ESRRB: variants seen among roughly 807,000 people sequenced by gnomAD.
ESRRB encodes steroid hormone receptor ERR2.
In ESRRB, 16 loss-of-function variants were observed where a neutral mutation model predicts 46.0. The ratio of observed to expected loss-of-function variants is 0.35; its 90% CI spans 0.24 to 0.53. The LOEUF (loss-of-function observed/expected upper bound fraction) is 0.53, where lower values mean the gene tolerates loss of function less well. Among genes scored for constraint, ESRRB ranks in the 20% least tolerant of loss-of-function variants. The pLI is 0.93. For missense variants in ESRRB, 488 were observed against 607.4 expected (o/e 0.80, Z 2.07); for synonymous variants, 246 against 259.6 (o/e 0.95, Z 0.50).
chr14:76,389,452 T>A (rs1365957272), intron 1 of ESRRB, among the ~76,000 whole-genome samples: 1 of 152,188 alleles, frequency 6.6e-6, no homozygotes, highest in Non-Finnish European at 1.5e-5. Flanking sequence ...CTGAGGGGAT[T>A]GGAAGTAGTT....
chr14:76,310,803 C>T, exon 1 of ESRRB: 11 of 449,992 alleles, frequency 2.4e-5, no homozygotes, highest in South Asian at 1.6e-4. Context: ...AGACAGGGGA[C>T]TGTCAGCTGG....
At chr14:76,448,305 G>A (rs1038546450) in intron 2 of ESRRB, among the ~76,000 whole-genome samples, 1 of 151,042 alleles carries the variant, frequency 6.6e-6, no homozygotes, top group African/African-American at 2.4e-5. Context: ...AAGCTCCTAA[G>A]GCACAGGGTT....
intron 5 of ESRRB, among the ~76,000 whole-genome samples, chr14:76,485,893 T>C (rs1056428697): frequency 1.3e-5 from 2 of 152,150 alleles, no homozygotes; most frequent in African/African-American, 4.8e-5. Context: ...CATGCACATA[T>C]TGAGAAGTCA....
intron 1 of ESRRB, among the ~76,000 whole-genome samples, chr14:76,407,846 C>T (rs1024425008): frequency 3.3e-5 from 5 of 152,212 alleles, no homozygotes; most frequent in Admixed American, 3.3e-4. Context: ...TGCTTGCTTC[C>T]TGAAAGCCAG....
chr14:76,399,547 C>T (rs1477389309), intron 1 of ESRRB, among the ~76,000 whole-genome samples: 4 of 152,122 alleles, frequency 2.6e-5, no homozygotes, highest in East Asian at 1.9e-4. Context: ...CCTTCCATTC[C>T]GGGTGGATTT....
At chr14:76,381,190 C>T in intron 1 of ESRRB, among the ~76,000 whole-genome samples, 1 of 152,268 alleles carries the variant, frequency 6.6e-6, no homozygotes, top group Non-Finnish European at 1.5e-5. Flanking sequence ...GCTGGTATGG[C>T]TTCGTCCCTG....
chr14:76,471,923 G>A (rs1449520798), intron 3 of ESRRB, among the ~76,000 whole-genome samples: 4 of 152,170 alleles, frequency 2.6e-5, no homozygotes, highest in African/African-American at 9.7e-5. Context: ...AGAGTGCCAT[G>A]ATTGATTAGC....
intron 1 of ESRRB, among the ~76,000 whole-genome samples, chr14:76,425,920 G>C (rs113474464): frequency 1.3e-4 from 20 of 152,176 alleles, no homozygotes; most frequent in African/African-American, 4.8e-4. Flanking sequence ...CCAAAGTGCT[G>C]GGATTACAGG....
chr14:76,321,955 T>C (rs988403786), intron 1 of ESRRB, among the ~76,000 whole-genome samples: 1 of 152,150 alleles, frequency 6.6e-6, no homozygotes, highest in Non-Finnish European at 1.5e-5. Flanking sequence ...TTAAGGATCT[T>C]GCTTAAGGCC....
intron 1 of ESRRB, among the ~76,000 whole-genome samples, chr14:76,424,924 A>T (rs148248758): frequency 0.015 from 2,228 of 152,110 alleles, 58 homozygotes; most frequent in African/African-American, 0.051. Context: ...TTTAGTAGAG[A>T]TGGGGTTTCA....
chr14:76,378,928 G>A (rs908589918), intron 1 of ESRRB, among the ~76,000 whole-genome samples: 10 of 152,164 alleles, frequency 6.6e-5, no homozygotes, highest in Admixed American at 6.5e-4. Context: ...AAGTGGGTTC[G>A]TGTATGCTCT....
Position 76,491,572 on chromosome 14 carries a change from T to C in ESRRB, c.976T>C (p.Tyr326His), listed in dbSNP as rs769709962. 7.5e-6 allele frequency: 12 copies of C among 1,592,426 alleles called. No homozygotes were observed. Among genetic ancestry groups the C allele is most frequent in the Non-Finnish European group, 1.0e-5 (12 of 1,170,040 alleles). Residue 326 changes from tyrosine (Y) to histidine (H), a missense_variant, in exon 6 of 7, where the codon TAC becomes CAC. By Grantham distance (83) the Tyr-to-His change is moderately conservative (BLOSUM62 2). Coordinates refer to ENST00000644823, the MANE Select transcript of ESRRB (RefSeq NM_001379180.1). ...CGACAAGCTGGTGTACGCTGAGGACTACATCATGGATGAGGAGCACTCCCG... is the reference window on the plus strand; with the variant it reads ...CGACAAGCTGGTGTACGCTGAGGACCACATCATGGATGAGGAGCACTCCCG... ...YDDKLVYAED[Y>H]IMDEEHSRLA...
chr14:76,492,798 G>GC (rs1890277839), intron 6 of ESRRB, among the ~76,000 whole-genome samples: 1 of 152,198 alleles, frequency 6.6e-6, no homozygotes, highest in Admixed American at 6.5e-5. Context: ...CCAACTTCTG[G>GC]CTAGATTATC....
chr14:76,456,936 C>T (rs1888639240), intron 2 of ESRRB, among the ~76,000 whole-genome samples: 4 of 152,284 alleles, frequency 2.6e-5, no homozygotes, highest in South Asian at 2.1e-4. Context: ...CCAGCCCTTT[C>T]ACACCAGCTG....
intron 1 of ESRRB, among the ~76,000 whole-genome samples, chr14:76,418,712 T>G (rs1444501969): frequency 3.4e-4 from 52 of 152,064 alleles, no homozygotes; most frequent in Admixed American, 1.8e-3. Flanking sequence ...ACCTCCTGGG[T>G]TCAAGTGATT....
intron 1 of ESRRB, among the ~76,000 whole-genome samples, chr14:76,318,639 T>A (rs1883830562): frequency 2.0e-5 from 3 of 152,176 alleles, no homozygotes; most frequent in Admixed American, 6.5e-5. Flanking sequence ...GAACACCTCC[T>A]TCACTGAGTT....
At chr14:76,400,411 G>A (rs1885889700) in intron 1 of ESRRB, among the ~76,000 whole-genome samples, 1 of 152,176 alleles carries the variant, frequency 6.6e-6, no homozygotes, top group Non-Finnish European at 1.5e-5. Flanking sequence ...CAAAATGAGG[G>A]AAATGACAAG....
At position 76,495,061 on chromosome 14, in the gene ESRRB, C is replaced by T. The variant is rs117172393; in HGVS notation, c.1121-3153C>T. Among the ~76,000 whole-genome samples, 345 of 150,182 alleles carry T rather than the reference C, an allele frequency of 2.3e-3. 11 individuals are homozygous for T. In the East Asian group the frequency reaches 0.059, roughly 26 times the overall value. ...ACATGTATACATACAAACACATGCACATACATACACACCCACACATACACA... is the reference window on the plus strand; with the variant it reads ...ACATGTATACATACAAACACATGCATATACATACACACCCACACATACACA... On this transcript the variant is annotated intron_variant, in intron 6 of 6. Transcript: ENST00000644823.
intron 1 of ESRRB, chr14:76,404,382 G>C (rs1247589003): frequency 6.6e-6 from 1 of 150,730 alleles, no homozygotes; most frequent in African/African-American, 2.4e-5. Flanking sequence ...TTAATTATCT[G>C]TCTCTCCCAC....
Sources: allele counts gnomAD v4.1 joint callset (sites outside exome capture counted in the v4.1 genomes callset), GRCh38; gene constraint gnomAD v4.1.1; transcripts MANE v1.5; gene names NCBI Gene and HGNC (gene_info 2026-07-23, HGNC 2026-07-21).